The following GLCE variants were observed in gnomAD, a reference collection of about 807,000 sequenced individuals.
The protein encoded by GLCE is glucuronic acid epimerase, also known as D-glucuronyl C5-epimerase.
GLCE carries 19 observed loss-of-function variants against 47.9 expected under a neutral mutation model. The observed-to-expected ratio is 0.40, with a 90% CI of 0.28 to 0.58. The LOEUF (loss-of-function observed/expected upper bound fraction) is 0.58, where lower values mean the gene tolerates loss of function less well. Among genes scored for constraint, GLCE ranks in the 20% least tolerant of loss-of-function variants. The pLI is 0.48. For missense variants in GLCE, 556 were observed against 743.3 expected, an observed-to-expected ratio of 0.75 and a Z score of 2.93; for synonymous variants, 245 against 263.4, an observed-to-expected ratio of 0.93 and a Z score of 0.68.
intron 2 of GLCE, 30 bp from the exon 3 acceptor site, chr15:69,255,764 G>C (rs1490417126): frequency 7.6e-7 from 1 of 1,310,996 alleles, no homozygotes; most frequent in Non-Finnish European, 1.1e-6. Flanking sequence ...GTACATCTTT[G>C]CATGATTTTT....
intron 2 of GLCE, among the ~76,000 whole-genome samples, chr15:69,216,674 G>C (rs1465569097): frequency 6.6e-6 from 1 of 152,080 alleles, no homozygotes; most frequent in Non-Finnish European, 1.5e-5. Flanking sequence ...ACAGCAAACT[G>C]TATAGCTGCT....
chr15:69,240,223 T>A, intron 2 of GLCE, among the ~76,000 whole-genome samples: 1 of 35,950 alleles, frequency 2.8e-5, no homozygotes. Flanking sequence ...CCTACTTTTA[T>A]CAAACCGCCG....
intron 2 of GLCE, among the ~76,000 whole-genome samples, chr15:69,222,917 G>A (rs943109061): frequency 1.3e-5 from 2 of 152,022 alleles, no homozygotes; most frequent in African/African-American, 2.4e-5. Flanking sequence ...TAACATCCTA[G>A]GTTATAACAC....
Position 69,270,539 on chromosome 15 carries a change from T to A in GLCE, c.*1295T>A, listed in dbSNP as rs1195472208. ...TTGCTGTGACAGTACACTAAATCAA[T>A]ACTATATCTTATACAGTTTGAAAAT... On this transcript the variant is annotated 3_prime_UTR_variant, in exon 5 of 5. Transcript: ENST00000261858. 6.6e-6 allele frequency: 1 copy of A among 152,180 alleles called. No individual in the cohort carries two copies. The highest frequency in any genetic ancestry group is 1.5e-5 in the Non-Finnish European group (1 of 68,034). The allele number at this position is 152,180 out of a possible 1,614,324, so 9.4% of individuals were successfully genotyped here.
chr15:69,162,444 G>A (rs1226286535), intron 1 of GLCE, among the ~76,000 whole-genome samples: 1 of 152,174 alleles, frequency 6.6e-6, no homozygotes, highest in Non-Finnish European at 1.5e-5. Context: ...CGTACTCAGA[G>A]CTGTTCTGTA....
intron 1 of GLCE, among the ~76,000 whole-genome samples, chr15:69,190,501 A>T (rs116052696): frequency 0.012 from 1,756 of 152,178 alleles, 26 homozygotes; most frequent in African/African-American, 0.038. Context: ...TTCTTGATGA[A>T]TTCATCCCTT....
chr15:69,169,584 C>T (rs2051557874), intron 1 of GLCE, among the ~76,000 whole-genome samples: 1 of 142,670 alleles, frequency 7.0e-6, no homozygotes, highest in African/African-American at 2.6e-5. Context: ...TGATGTTCCC[C>T]TTCCTGTGTC....
intron 2 of GLCE, among the ~76,000 whole-genome samples, chr15:69,215,798 A>G (rs1182351619): frequency 6.6e-6 from 1 of 152,076 alleles, no homozygotes; most frequent in African/African-American, 2.4e-5. Flanking sequence ...GTTCTAATGT[A>G]TGTGTAGTGG....
intron 2 of GLCE, among the ~76,000 whole-genome samples, chr15:69,238,464 C>G (rs193143512): frequency 1.3e-5 from 2 of 152,078 alleles, no homozygotes; most frequent in Admixed American, 1.3e-4. Flanking sequence ...TTTCAATAAC[C>G]GAAAGTATAT....
chr15:69,186,469 T>C (rs1341805243), intron 1 of GLCE, among the ~76,000 whole-genome samples: 2 of 152,172 alleles, frequency 1.3e-5, no homozygotes, highest in Non-Finnish European at 2.9e-5. Context: ...ATCTGATAAA[T>C]ATAGAGTAGC....
At chr15:69,210,534 A>C (rs1427696748) in intron 2 of GLCE, 128 bp downstream of exon 2, 1 of 152,122 alleles carries the variant, frequency 6.6e-6, no homozygotes, top group African/African-American at 2.4e-5. Context: ...AATACTATGC[A>C]TTTTTAGACT....
chr15:69,222,528 C>T (rs2052391869), intron 2 of GLCE, among the ~76,000 whole-genome samples: 1 of 152,226 alleles, frequency 6.6e-6, no homozygotes, highest in South Asian at 2.1e-4. Flanking sequence ...AGAGCCACCC[C>T]TTCCTAAGGA....
At chr15:69,251,622 C>T (rs1832231042) in intron 2 of GLCE, among the ~76,000 whole-genome samples, 1 of 152,064 alleles carries the variant, frequency 6.6e-6, no homozygotes. Context: ...ATGGCTGCTC[C>T]TACAAAGACA....
intron 2 of GLCE, among the ~76,000 whole-genome samples, chr15:69,224,227 T>C (rs1157935764): frequency 6.6e-6 from 1 of 152,224 alleles, no homozygotes; most frequent in Non-Finnish European, 1.5e-5. Context: ...TGTTTTAGTA[T>C]TATTTTTGTT....
intron 1 of GLCE, among the ~76,000 whole-genome samples, chr15:69,189,949 T>A (rs1359740078): frequency 6.6e-6 from 1 of 152,042 alleles, no homozygotes; most frequent in African/African-American, 2.4e-5. Flanking sequence ...CTTTAGTTAG[T>A]TTTCCTGATC....
In GLCE at chr15:69,268,725, G is replaced by A; in HGVS notation, c.1335G>A (p.Met445Ile). The part of the protein sequence containing the change: ...KSLEPGWYSA[M>I]AQGQAISTLV... ...TAGAGCCAGGATGGTATTCTGCCAT[G>A]GCCCAAGGGCAAGCCATTTCTACAT... Residue 445 changes from methionine (M) to isoleucine (I), a missense_variant, in exon 5 of 5, where the codon ATG becomes ATA. Physicochemically the swap from Met to Ile is conservative, Grantham distance 10. Around this residue, in one of 3 missense-constraint regions of GLCE, gnomAD observed 245 missense variants for 368.1 expected, o/e 0.67. Transcript: ENST00000261858. 1.2e-6 allele frequency: 2 copies of A among 1,614,162 alleles called. No individual in the cohort carries two copies. Among genetic ancestry groups the A allele is most frequent in the Non-Finnish European group, 1.7e-6 (2 of 1,180,016 alleles).
chr15:69,189,699 A>G (rs1365459187), intron 1 of GLCE, among the ~76,000 whole-genome samples: 1 of 151,926 alleles, frequency 6.6e-6, no homozygotes, highest in Non-Finnish European at 1.5e-5. Flanking sequence ...TTTCTGTTGT[A>G]CGTGTATGTT....
intron 1 of GLCE, among the ~76,000 whole-genome samples, chr15:69,186,871 C>CT (rs759012741): frequency 4.0e-5 from 6 of 151,642 alleles, no homozygotes; most frequent in East Asian, 3.9e-4. Flanking sequence ...CTCATATACA[C>CT]TTTTTTTTTC....
chr15:69,177,025 G>T (rs1299216278), intron 1 of GLCE, among the ~76,000 whole-genome samples: 2 of 149,300 alleles, frequency 1.3e-5, no homozygotes, highest in African/African-American at 2.5e-5. Flanking sequence ...TTTCATATTT[G>T]CTTTTTTTTT....
Sources: allele counts gnomAD v4.1 joint callset (sites outside exome capture counted in the v4.1 genomes callset), GRCh38; gene constraint gnomAD v4.1.1; regional missense constraint gnomAD v4.1.1; transcripts MANE v1.5; gene names NCBI Gene and HGNC (gene_info 2026-07-23, HGNC 2026-07-21).